TRAPPC9: variants seen among roughly 807,000 people sequenced by gnomAD.
TRAPPC9 encodes IKK2 binding protein.
A neutral mutation model predicts 124.0 loss-of-function variants in TRAPPC9; 83 were observed. The ratio of observed to expected loss-of-function variants is 0.67; its 90% CI spans 0.56 to 0.80. The LOEUF (loss-of-function observed/expected upper bound fraction) is 0.80. Ranked by LOEUF, TRAPPC9 falls within the 30% of genes least tolerant of loss-of-function variation. The pLI, the probability that TRAPPC9 is intolerant of heterozygous loss-of-function variation, is 0.00. For synonymous variants in TRAPPC9, 638 were observed against 617.5 expected (o/e 1.03, Z -0.49); for missense variants, 1,302 against 1,508.3 (o/e 0.86, Z 2.27).
At chr8:140,221,646 T>C in intron 16 of TRAPPC9, 63 bp from the exon 17 acceptor site, 1 of 1,557,570 alleles carries the variant, frequency 6.4e-7, no homozygotes. Flanking sequence ...TTGTTGTTGT[T>C]GTTGTTGTTT....
At chr8:139,928,948 C>A (rs913155277) in intron 19 of TRAPPC9, among the ~76,000 whole-genome samples, 1 of 152,028 alleles carries the variant, frequency 6.6e-6, no homozygotes. Context: ...AAGACAACGC[C>A]TTGCAAGCAT....
At chr8:140,291,801 T>C (rs1588105995) in intron 11 of TRAPPC9, among the ~76,000 whole-genome samples, 1 of 152,228 alleles carries the variant, frequency 6.6e-6, no homozygotes, top group South Asian at 2.1e-4. Context: ...AGAGGGCCTG[T>C]GGAGGGGACC....
intron 21 of TRAPPC9, among the ~76,000 whole-genome samples, chr8:139,741,593 G>C (rs1259921536): frequency 6.6e-6 from 1 of 152,044 alleles, no homozygotes; most frequent in East Asian, 1.9e-4. Context: ...ATTCAGATAT[G>C]TGCGACCACA....
At chr8:140,391,196 G>A (rs1413819559) in intron 7 of TRAPPC9, among the ~76,000 whole-genome samples, 1 of 152,206 alleles carries the variant, frequency 6.6e-6, no homozygotes, top group African/African-American at 2.4e-5. Flanking sequence ...ACAAAGAGGT[G>A]GCAGGTCTTA....
Position 140,257,513 on chromosome 8 carries a change from G to A in TRAPPC9, c.2279-4584C>T, listed in dbSNP as rs1422975639. On this transcript the variant is annotated intron_variant, in intron 15 of 22. Transcript: ENST00000438773. This position sits in a 1 kb window ranked among gnomAD's most constrained non-coding sequence, Gnocchi z 4.6. ...GCCCAGGAGTGGGAAAAAGGACCCC[G>A]TGCCATGCGAGCGCACAGGGGAGGG... is the stretch of plus-strand genomic sequence containing the variant. Among the ~76,000 whole-genome samples the A allele has an allele frequency of 7.9e-5, 12 of 152,208 alleles. No homozygotes were observed. Among genetic ancestry groups the A allele is most frequent in the African/African-American group, 2.4e-4 (10 of 41,450 alleles).
At chr8:140,129,298 C>T (rs961440950) in intron 17 of TRAPPC9, among the ~76,000 whole-genome samples, 2 of 151,928 alleles carry the variant, frequency 1.3e-5, no homozygotes, top group African/African-American at 2.4e-5. Flanking sequence ...GAGGCGGCAC[C>T]GACTGAGGAG....
At chr8:140,036,109 G>A (rs1429382812) in intron 17 of TRAPPC9, among the ~76,000 whole-genome samples, 5 of 152,136 alleles carry the variant, frequency 3.3e-5, no homozygotes, top group Admixed American at 6.5e-5. Flanking sequence ...AGAGGCAGCC[G>A]CAGCCAGACC....
At chr8:139,759,546 G>A (rs1048423181) in intron 21 of TRAPPC9, among the ~76,000 whole-genome samples, 5 of 152,138 alleles carry the variant, frequency 3.3e-5, no homozygotes, top group Non-Finnish European at 5.9e-5. Flanking sequence ...GGACAGACTC[G>A]GCTTCTTGAT....
At chr8:140,034,431 C>T (rs1227274569) in intron 17 of TRAPPC9, among the ~76,000 whole-genome samples, 1 of 152,172 alleles carries the variant, frequency 6.6e-6, no homozygotes, top group East Asian at 1.9e-4. Flanking sequence ...TCTCTGTGAT[C>T]CTGCAAAGCC....
At chr8:139,977,225 G>A (rs1291841968) in intron 19 of TRAPPC9, among the ~76,000 whole-genome samples, 2 of 152,054 alleles carry the variant, frequency 1.3e-5, no homozygotes, top group African/African-American at 4.8e-5. Context: ...GACAGGGCTG[G>A]GTAAGAGAAC....
chr8:139,866,895 G>T (rs1423565217), intron 21 of TRAPPC9, among the ~76,000 whole-genome samples: 1 of 152,164 alleles, frequency 6.6e-6, no homozygotes, highest in Non-Finnish European at 1.5e-5. Context: ...ATGGATCTTG[G>T]TTGGTGTGGG....
intron 14 of TRAPPC9, among the ~76,000 whole-genome samples, chr8:140,278,021 C>T (rs570239501): frequency 6.6e-6 from 1 of 152,186 alleles, no homozygotes; most frequent in Non-Finnish European, 1.5e-5. Context: ...CTGTGTCCCC[C>T]GAGCACTCTG....
In TRAPPC9 at chr8:139,732,633, T is replaced by A. The variant is rs577675383; in HGVS notation, c.3056-431A>T. 1.7e-4 allele frequency among the ~76,000 whole-genome samples: 26 copies of A among 152,166 alleles called. 1 individual carries two copies. In the South Asian group the frequency reaches 2.9e-3, roughly 17 times the overall value. On this transcript the variant is annotated intron_variant, in intron 21 of 22. Coordinates refer to ENST00000438773, the MANE Select transcript of TRAPPC9 (RefSeq NM_001160372.4). ...CTTTGGGGCACAGGCAGGCCCGAGG[T>A]CCCTCTCCTCCAGTGGCTGCAAGAC...
intron 17 of TRAPPC9, among the ~76,000 whole-genome samples, chr8:140,036,679 G>C (rs560896014): frequency 6.6e-6 from 1 of 152,084 alleles, no homozygotes; most frequent in Non-Finnish European, 1.5e-5. Flanking sequence ...CTGAAGAGAC[G>C]TGGCTCACAG....
intron 21 of TRAPPC9, among the ~76,000 whole-genome samples, chr8:139,735,204 C>T (rs746897659): frequency 2.0e-5 from 3 of 152,218 alleles, no homozygotes; most frequent in African/African-American, 4.8e-5. Context: ...TATGTCACTA[C>T]ACCTCCTGGG....
intron 17 of TRAPPC9, among the ~76,000 whole-genome samples, chr8:140,139,390 A>G (rs1336475606): frequency 6.6e-6 from 1 of 152,192 alleles, no homozygotes; most frequent in African/African-American, 2.4e-5. Flanking sequence ...GTTCTCATAA[A>G]GAGAGACACA....
intron 15 of TRAPPC9, among the ~76,000 whole-genome samples, chr8:140,267,911 C>T (rs985743740): frequency 1.3e-5 from 2 of 152,144 alleles, no homozygotes; most frequent in Non-Finnish European, 2.9e-5. Context: ...TGTGATCCAC[C>T]TGCCTCGGCC....
At chr8:139,904,404 C>T (rs1432701868) in intron 20 of TRAPPC9, 1 of 152,242 alleles carries the variant, frequency 6.6e-6, no homozygotes, top group Non-Finnish European at 1.5e-5. Context: ...GAGGTCCACT[C>T]TGAAGGATGA....
intron 19 of TRAPPC9, among the ~76,000 whole-genome samples, chr8:139,930,534 C>A (rs1486286836): frequency 6.6e-6 from 1 of 152,126 alleles, no homozygotes; most frequent in Non-Finnish European, 1.5e-5. Flanking sequence ...ATAGTCACAC[C>A]CCTCTTTTTT....
Sources: gnomAD v4.1 joint callset for allele counts (sites outside exome capture counted in the v4.1 genomes callset) on GRCh38, gnomAD v4.1.1 for gene constraint, Gnocchi (gnomAD v3.1) non-coding constraint, MANE v1.5 for transcripts, NCBI Gene and HGNC (gene_info 2026-07-23, HGNC 2026-07-21) for gene names.